The following EYA4 variants were observed in gnomAD, a reference collection of about 807,000 sequenced individuals.
EYA4 encodes the protein protein phosphatase EYA4.
EYA4 carries 31 observed loss-of-function variants against 87.9 expected under a neutral mutation model. The observed-to-expected ratio is 0.35, with a 90% CI of 0.27 to 0.48. The LOEUF (loss-of-function observed/expected upper bound fraction) is 0.48. Ranked by LOEUF, EYA4 falls within the 20% of genes least tolerant of loss-of-function variation. EYA4 has a pLI of 0.99. For missense variants in EYA4, 678 were observed against 761.4 expected (o/e 0.89, Z 1.29); for synonymous variants, 263 against 270.6 (o/e 0.97, Z 0.28).
At chr6:133,450,941 T>C (rs1793379283) in intron 5 of EYA4, among the ~76,000 whole-genome samples, 1 of 152,386 alleles carries the variant, frequency 6.6e-6, no homozygotes, top group Non-Finnish European at 1.5e-5. Context: ...ATCCTAATTA[T>C]ATAATTACAT....
At chr6:133,517,191 T>G (rs1265164406) in intron 17 of EYA4, among the ~76,000 whole-genome samples, 1 of 151,902 alleles carries the variant, frequency 6.6e-6, no homozygotes, top group Non-Finnish European at 1.5e-5. Context: ...TGTGGACACA[T>G]AGAGGGGAAC....
At chr6:133,369,882 C>T (rs1459229431) in intron 2 of EYA4, among the ~76,000 whole-genome samples, 1 of 152,152 alleles carries the variant, frequency 6.6e-6, no homozygotes, top group Non-Finnish European at 1.5e-5. Flanking sequence ...TCATTAAAAG[C>T]ACCTCCAGAT....
At chr6:133,255,178 C>G (rs1775238305) in intron 1 of EYA4, among the ~76,000 whole-genome samples, 1 of 151,930 alleles carries the variant, frequency 6.6e-6, no homozygotes, top group African/African-American at 2.4e-5. Context: ...GAATTGATAT[C>G]TTGGAATAAA....
At chr6:133,240,977 G>C (rs1197294603), upstream of EYA4, 2 of 152,034 alleles carry the variant, frequency 1.3e-5, no homozygotes, top group East Asian at 3.9e-4. Flanking sequence ...CCAGGGAGGA[G>C]AGCGCGGTCG....
intron 1 of EYA4, among the ~76,000 whole-genome samples, chr6:133,258,299 CAA>C (rs1775511258): frequency 6.6e-6 from 1 of 152,170 alleles, no homozygotes; most frequent in Non-Finnish European, 1.5e-5. Flanking sequence ...TTGGTTCAGT[CAA>C]GAGAGAGGGG....
chr6:133,400,592 A>G (rs1788181664), intron 3 of EYA4, among the ~76,000 whole-genome samples: 1 of 152,158 alleles, frequency 6.6e-6, no homozygotes, highest in South Asian at 2.1e-4. Flanking sequence ...GGATTCATTT[A>G]GCAAAATTCA....
intron 2 of EYA4, among the ~76,000 whole-genome samples, chr6:133,362,097 G>C (rs1379589718): frequency 6.6e-6 from 1 of 152,230 alleles, no homozygotes; most frequent in Non-Finnish European, 1.5e-5. Flanking sequence ...TCCCTTAGAA[G>C]ATGAAGGTGT....
intron 3 of EYA4, among the ~76,000 whole-genome samples, chr6:133,393,323 G>A (rs543901049): frequency 2.0e-5 from 3 of 152,248 alleles, no homozygotes; most frequent in Admixed American, 6.5e-5. Flanking sequence ...CATCTACTAT[G>A]GGTCAGGCAC....
intron 2 of EYA4, among the ~76,000 whole-genome samples, chr6:133,349,367 G>A (rs1024505752): frequency 3.9e-5 from 6 of 152,084 alleles, no homozygotes; most frequent in African/African-American, 9.7e-5. Flanking sequence ...GTATATAAGT[G>A]TTATGAGGGT....
chr6:133,350,346 A>G (rs1783546061), intron 2 of EYA4, among the ~76,000 whole-genome samples: 1 of 152,150 alleles, frequency 6.6e-6, no homozygotes, highest in Admixed American at 6.5e-5. Context: ...AATTTTACAT[A>G]GACCTAAGTG....
chr6:133,250,345 T>C (rs956810650), intron 1 of EYA4, among the ~76,000 whole-genome samples: 1 of 151,912 alleles, frequency 6.6e-6, no homozygotes, highest in Non-Finnish European at 1.5e-5. Context: ...AGTGAGTAAG[T>C]AGAAAGAATA....
chr6:133,297,314 T>A (rs1266412437), intron 2 of EYA4, among the ~76,000 whole-genome samples: 1 of 152,184 alleles, frequency 6.6e-6, no homozygotes, highest in Non-Finnish European at 1.5e-5. Context: ...AAAGTTTGAT[T>A]TAGGACTTGT....
rs149904477 is a variant in EYA4 at position 133,324,547 on chromosome 6, G to A, written c.33+49734G>A. Reference sequence around the variant, plus strand: ...AATATATAACTGCAATTCCTATTTTGGTTTTATGAATTATTTTTTCTATTT... The same window carrying A: ...AATATATAACTGCAATTCCTATTTTAGTTTTATGAATTATTTTTTCTATTT... On this transcript the variant is annotated intron_variant, in intron 2 of 19. Coordinates refer to ENST00000355286, the MANE Select transcript of EYA4 (RefSeq NM_004100.5). Among the ~76,000 whole-genome samples the A allele has an allele frequency of 5.7e-4, 87 of 151,784 alleles. No individual in the cohort carries two copies. The Middle Eastern group carries it at 0.014, about 24-fold the overall frequency.
chr6:133,355,657 G>T (rs1021580490), intron 2 of EYA4, among the ~76,000 whole-genome samples: 1 of 152,052 alleles, frequency 6.6e-6, no homozygotes, highest in Non-Finnish European at 1.5e-5. Flanking sequence ...TGCTATATAA[G>T]TACCTTCTAT....
At chr6:133,296,845 C>A (rs529597022) in intron 2 of EYA4, among the ~76,000 whole-genome samples, 1 of 152,250 alleles carries the variant, frequency 6.6e-6, no homozygotes, top group African/African-American at 2.4e-5. Flanking sequence ...TTGTTCAAAG[C>A]TTCCATCTTA....
intron 2 of EYA4, among the ~76,000 whole-genome samples, chr6:133,327,205 T>C (rs1292788644): frequency 6.6e-6 from 1 of 152,082 alleles, no homozygotes; most frequent in African/African-American, 2.4e-5. Context: ...TGGCATAGTC[T>C]TAGCTCACTG....
At chr6:133,273,097 G>GTGTGTATATATATATATA (rs142020137) in intron 1 of EYA4, among the ~76,000 whole-genome samples, 5 of 106,638 alleles carry the variant, frequency 4.7e-5, no homozygotes, top group African/African-American at 1.6e-4. Flanking sequence ...ATATATATAT[G>GTGTGTATATATATATATA]TATATATATA....
chr6:133,265,258 G>A (rs1026714634), intron 1 of EYA4, among the ~76,000 whole-genome samples: 1 of 151,756 alleles, frequency 6.6e-6, no homozygotes, highest in Admixed American at 6.6e-5. Context: ...GTTGCTACAG[G>A]TGGTGCAAAA....
chr6:133,416,344 G>A (rs1426701092), intron 3 of EYA4, among the ~76,000 whole-genome samples: 1 of 152,206 alleles, frequency 6.6e-6, no homozygotes, highest in Non-Finnish European at 1.5e-5. Flanking sequence ...ATGGGATTTG[G>A]TTAGTGAGGG....
Sources: gnomAD v4.1 joint callset for allele counts (sites outside exome capture counted in the v4.1 genomes callset) on GRCh38, gnomAD v4.1.1 for gene constraint, MANE v1.5 for transcripts, NCBI Gene and HGNC (gene_info 2026-07-23, HGNC 2026-07-21) for gene names.